AP3S1: variants seen among roughly 807,000 people sequenced by gnomAD.
AP3S1 encodes AP-3 complex subunit sigma-1.
Under a neutral mutation model 21.3 loss-of-function variants are expected in AP3S1, and 12 were observed. The ratio of observed to expected loss-of-function variants is 0.56; its 90% CI spans 0.36 to 0.91. The LOEUF is 0.91. Among genes scored for constraint, AP3S1 ranks in the 40% least tolerant of loss-of-function variants. The pLI, the probability that AP3S1 is intolerant of heterozygous loss-of-function variation, is 0.01. For synonymous variants in AP3S1, 48 were observed against 78.4 expected, an observed-to-expected ratio of 0.61 and a Z score of 2.05; for missense variants, 116 against 225.0, an observed-to-expected ratio of 0.52 and a Z score of 3.10.
chr5:115,875,309 G>A (rs1748613607), intron 3 of AP3S1, among the ~76,000 whole-genome samples: 1 of 152,144 alleles, frequency 6.6e-6, no homozygotes, highest in South Asian at 2.1e-4. Flanking sequence ...GTGAGGAAAG[G>A]TCTCTGATCT....
intron 3 of AP3S1, among the ~76,000 whole-genome samples, chr5:115,884,080 T>C (rs1274490974): frequency 6.6e-6 from 1 of 152,174 alleles, no homozygotes; most frequent in Non-Finnish European, 1.5e-5. Flanking sequence ...ATAGAAACCA[T>C]GTTTATCACT....
intron 3 of AP3S1, among the ~76,000 whole-genome samples, chr5:115,894,343 A>G (rs1750563181): frequency 1.3e-5 from 2 of 152,212 alleles, no homozygotes; most frequent in Non-Finnish European, 2.9e-5. Context: ...CCTCGGAGAA[A>G]AAGCAGGCAT....
At chr5:115,886,810 T>TA (rs201301013) in intron 3 of AP3S1, among the ~76,000 whole-genome samples, 4,267 of 152,314 alleles carry the variant, frequency 0.028, 83 homozygotes, top group Non-Finnish European at 0.044. Flanking sequence ...CTTTCAGAAT[T>TA]ATTATGACAT....
At chr5:115,893,705 C>G (rs1440921103) in intron 3 of AP3S1, among the ~76,000 whole-genome samples, 6 of 152,118 alleles carry the variant, frequency 3.9e-5, no homozygotes, top group Non-Finnish European at 8.8e-5. Context: ...ACATTTTACC[C>G]CTTTCCCCAT....
At chr5:115,885,410 C>G (rs1749693383) in intron 3 of AP3S1, among the ~76,000 whole-genome samples, 1 of 152,192 alleles carries the variant, frequency 6.6e-6, no homozygotes. Flanking sequence ...TGGCAAACCA[C>G]TGGTGTAAAT....
chr5:115,862,043 AC>A (rs1419556163), intron 1 of AP3S1, among the ~76,000 whole-genome samples: 1 of 151,370 alleles, frequency 6.6e-6, no homozygotes, highest in East Asian at 1.9e-4. Context: ...TCTTTAACTT[AC>A]TTTTTATAGG....
At chr5:115,877,468 C>T (rs1226687001) in intron 3 of AP3S1, among the ~76,000 whole-genome samples, 3 of 152,042 alleles carry the variant, frequency 2.0e-5, no homozygotes, top group South Asian at 4.2e-4. Flanking sequence ...TTTCTGTTCC[C>T]GTGTTCGTTT....
At chr5:115,898,933 TG>T (rs1186478171) in intron 4 of AP3S1, 4 of 152,248 alleles carry the variant, frequency 2.6e-5, no homozygotes, top group Non-Finnish European at 5.9e-5. Context: ...TCCAATTGGG[TG>T]GCCCCGTGTT....
At chr5:115,882,277 G>A (rs1314455975) in intron 3 of AP3S1, among the ~76,000 whole-genome samples, 2 of 152,018 alleles carry the variant, frequency 1.3e-5, no homozygotes, top group Non-Finnish European at 2.9e-5. Context: ...GAGGAGAAGA[G>A]GCAGTCTGGC....
intron 1 of AP3S1, among the ~76,000 whole-genome samples, chr5:115,849,490 C>G (rs1236624444): frequency 6.6e-6 from 1 of 152,128 alleles, no homozygotes; most frequent in Admixed American, 6.6e-5. Context: ...GGAAGAGAGG[C>G]AGGAGATAAA....
intron 4 of AP3S1, among the ~76,000 whole-genome samples, chr5:115,897,855 C>T (rs970947353): frequency 1.3e-5 from 2 of 152,128 alleles, no homozygotes; most frequent in Non-Finnish European, 1.5e-5. Context: ...AGCCACCACG[C>T]CCGGCCACAG....
chr5:115,896,395 A>T (rs537908964), intron 4 of AP3S1, among the ~76,000 whole-genome samples: 57 of 152,142 alleles, frequency 3.7e-4, no homozygotes, highest in Non-Finnish European at 7.4e-4. Flanking sequence ...TTAATGTTCT[A>T]CTGTTTTTCT....
rs570404874 is a variant in AP3S1, at chr5:115,871,641, A to G, written c.273+1513A>G. On this transcript the variant is annotated intron_variant, in intron 3 of 5. Coordinates refer to ENST00000316788, the MANE Select transcript of AP3S1 (RefSeq NM_001284.4). The stretch of plus-strand genomic sequence containing the variant: ...ATGGTAGTGATATAGCCTTGTGTAC[A>G]CTGAACTCCTTGCCCACACCCATAC... 2.0e-5 allele frequency among the ~76,000 whole-genome samples: 3 copies of G among 152,188 alleles called. No homozygotes were observed. In the East Asian group the frequency reaches 5.8e-4, roughly 29 times the overall value.
intron 5 of AP3S1, among the ~76,000 whole-genome samples, chr5:115,911,886 C>T (rs1259630376): frequency 6.6e-6 from 1 of 151,878 alleles, no homozygotes; most frequent in Non-Finnish European, 1.5e-5. Flanking sequence ...TAACTAACAT[C>T]CATTAAATTA....
intron 3 of AP3S1, among the ~76,000 whole-genome samples, chr5:115,891,203 C>T (rs1354615162): frequency 6.6e-6 from 1 of 152,202 alleles, no homozygotes; most frequent in African/African-American, 2.4e-5. Context: ...TAAAATCTCA[C>T]TTGTGGCTGA....
chr5:115,861,827 G>A (rs1009382436), intron 1 of AP3S1, among the ~76,000 whole-genome samples: 2 of 150,262 alleles, frequency 1.3e-5, no homozygotes, highest in African/African-American at 4.9e-5. Flanking sequence ...GATTACAGAC[G>A]TGAGTCACTG....
chr5:115,847,163 A>T (rs998544167), intron 1 of AP3S1, among the ~76,000 whole-genome samples: 3 of 152,120 alleles, frequency 2.0e-5, no homozygotes, highest in African/African-American at 7.2e-5. Flanking sequence ...CCCAAGACCA[A>T]TATTCTTACC....
intron 3 of AP3S1, among the ~76,000 whole-genome samples, chr5:115,872,695 C>G (rs920672207): frequency 6.6e-6 from 1 of 152,120 alleles, no homozygotes; most frequent in Non-Finnish European, 1.5e-5. Flanking sequence ...CAAGGCTTTT[C>G]TAGTAAAGAA....
intron 1 of AP3S1, among the ~76,000 whole-genome samples, chr5:115,843,561 AC>A (rs1436577651): frequency 2.0e-5 from 3 of 152,218 alleles, no homozygotes; most frequent in African/African-American, 4.8e-5. Flanking sequence ...CATTAACTTT[AC>A]CTGTTTGTTA....
Sources: gnomAD v4.1 joint callset for allele counts (sites outside exome capture counted in the v4.1 genomes callset) on GRCh38, gnomAD v4.1.1 for gene constraint, MANE v1.5 for transcripts, NCBI Gene and HGNC (gene_info 2026-07-23, HGNC 2026-07-21) for gene names.